The following SPICE1 variants were observed in gnomAD, a reference collection of about 807,000 sequenced individuals.
SPICE1 encodes spindle and centriole associated protein 1.
A neutral mutation model predicts 102.7 loss-of-function variants in SPICE1; 75 were observed. The observed-to-expected ratio is 0.73, with a 90% CI of 0.61 to 0.88. The LOEUF is 0.88. Ranked by LOEUF, SPICE1 falls within the 40% of genes least tolerant of loss-of-function variation. The probability of loss-of-function intolerance (pLI) is 0.00; values close to 1 mark genes in which losing one functional copy is unlikely to be tolerated. For missense variants in SPICE1, 979 were observed against 1,020.1 expected, an observed-to-expected ratio of 0.96 and a Z score of 0.55; for synonymous variants, 308 against 350.3, an observed-to-expected ratio of 0.88 and a Z score of 1.35.
intron 7 of SPICE1, among the ~76,000 whole-genome samples, chr3:113,480,248 A>G (rs1936460292): frequency 6.6e-6 from 1 of 151,906 alleles, no homozygotes; most frequent in South Asian, 2.1e-4. Flanking sequence ...CACCATGCGC[A>G]AATAGTTTCA....
At chr3:113,506,329 C>T (rs1576650924) in intron 2 of SPICE1, among the ~76,000 whole-genome samples, 178 bp downstream of exon 2, 2 of 152,158 alleles carry the variant, frequency 1.3e-5, no homozygotes, top group East Asian at 1.9e-4. Context: ...CTAAAAACCT[C>T]CCCCAAAGGA....
chr3:113,472,877 A>G (rs1576632020), intron 7 of SPICE1, among the ~76,000 whole-genome samples: 2 of 152,338 alleles, frequency 1.3e-5, no homozygotes, highest in East Asian at 1.9e-4. Flanking sequence ...AAAGCAGAGC[A>G]CCTCTCCTCC....
intron 7 of SPICE1, among the ~76,000 whole-genome samples, chr3:113,471,182 G>A (rs1182526627): frequency 6.6e-6 from 1 of 152,108 alleles, no homozygotes; most frequent in Non-Finnish European, 1.5e-5. Context: ...AAACCCTGGA[G>A]CCTGTCACTA....
At chr3:113,446,529 A>G in intron 17 of SPICE1, 60 bp downstream of exon 17, 1 of 1,232,616 alleles carries the variant, frequency 8.1e-7, no homozygotes, top group Admixed American at 1.8e-5. Context: ...GAAATCACTA[A>G]ATCAGCCACC....
intron 1 of SPICE1, among the ~76,000 whole-genome samples, chr3:113,509,806 G>A (rs907501617): frequency 6.6e-6 from 1 of 152,150 alleles, no homozygotes; most frequent in African/African-American, 2.4e-5. Context: ...GGATCATGGG[G>A]AGCAGTTTCC....
At position 113,506,582 on chromosome 3, in the gene SPICE1, G is replaced by A. The variant is rs142489429; in HGVS notation, c.24C>T (p.Arg8=). MSFVRVN[R]CGPRVGVRKT... is the part of the protein sequence containing the mutation. ...TTCTTACACCAACTCGGGGACCACA[G>A]CGGTTCACTCTGACAAATGACATCT... The change falls in exon 2 of 18, where the codon CGC becomes CGT. Residue 8 remains arginine, a synonymous_variant. Coordinates refer to ENST00000295872, the MANE Select transcript of SPICE1 (RefSeq NM_144718.4). The A allele has an allele frequency of 2.5e-5, 40 of 1,612,966 alleles. No individual in the cohort carries two copies. Among genetic ancestry groups the A allele is most frequent in the Non-Finnish European group, 3.3e-5 (39 of 1,179,738 alleles).
chr3:113,480,721 A>T (rs984059611), intron 7 of SPICE1, among the ~76,000 whole-genome samples: 7 of 150,872 alleles, frequency 4.6e-5, no homozygotes, highest in African/African-American at 1.2e-4. Context: ...AGCATTGTTT[A>T]AAAAAAAATG....
At chr3:113,497,935 G>A (rs536331266) in intron 4 of SPICE1, among the ~76,000 whole-genome samples, 10 of 150,890 alleles carry the variant, frequency 6.6e-5, no homozygotes, top group Middle Eastern at 3.4e-3. Context: ...GGAGTGCAAT[G>A]GACCAATCTC....
intron 7 of SPICE1, among the ~76,000 whole-genome samples, chr3:113,487,161 T>C (rs1247152229): frequency 1.3e-5 from 2 of 152,076 alleles, no homozygotes; most frequent in Non-Finnish European, 2.9e-5. Flanking sequence ...ACTTAGCAGG[T>C]TTATTTTTGC....
chr3:113,477,422 C>A lies in SPICE1; in HGVS notation c.612-8184G>T, dbSNP rs1353065776. ...AACTAGAAATACCATTTGACCCAGC[C>A]ATCCCATTGCTGGGTATATACCCAG... On this transcript the variant is annotated intron_variant, in intron 7 of 17. Transcript: ENST00000295872. Among the ~76,000 whole-genome samples the A allele has an allele frequency of 5.9e-4, 90 of 151,508 alleles. 1 individual carries two copies. The highest frequency in any genetic ancestry group is 1.6e-3 in the African/African-American group (67 of 41,158).
intron 7 of SPICE1, among the ~76,000 whole-genome samples, chr3:113,484,754 G>A (rs534147642): frequency 6.6e-6 from 1 of 152,138 alleles, no homozygotes; most frequent in Admixed American, 6.5e-5. Flanking sequence ...TGTTTGTTAT[G>A]ATTTCCATTC....
At chr3:113,495,629 G>C (rs545503293) in intron 4 of SPICE1, among the ~76,000 whole-genome samples, 1 of 152,306 alleles carries the variant, frequency 6.6e-6, no homozygotes, top group South Asian at 2.1e-4. Flanking sequence ...TACCACTCTA[G>C]AGATGTTTCA....
intron 16 of SPICE1, 37 bp downstream of exon 16, chr3:113,448,001 T>TG (rs1270529783): frequency 9.7e-7 from 1 of 1,028,596 alleles, no homozygotes; most frequent in African/African-American, 1.7e-5. Context: ...TTCTTTTTGA[T>TG]TTTTTTTTTT....
At chr3:113,509,957 T>C (rs1937187399) in intron 1 of SPICE1, among the ~76,000 whole-genome samples, 1 of 152,228 alleles carries the variant, frequency 6.6e-6, no homozygotes, top group Non-Finnish European at 1.5e-5. Flanking sequence ...TCTGCCATAA[T>C]TGTAAGTTTC....
intron 2 of SPICE1, among the ~76,000 whole-genome samples, chr3:113,505,335 A>C (rs1224543034): frequency 6.6e-6 from 1 of 151,940 alleles, no homozygotes; most frequent in Non-Finnish European, 1.5e-5. Context: ...CCGATTTATC[A>C]GTTTCCTTAC....
At chr3:113,503,005 T>C (rs1460313364) in intron 3 of SPICE1, among the ~76,000 whole-genome samples, 175 bp downstream of exon 3, 1 of 152,212 alleles carries the variant, frequency 6.6e-6, no homozygotes. Context: ...TTGATATTCC[T>C]AGCTCAAATC....
chr3:113,476,106 T>G (rs1576634072), intron 7 of SPICE1, among the ~76,000 whole-genome samples: 1 of 151,994 alleles, frequency 6.6e-6, no homozygotes, highest in South Asian at 2.1e-4. Context: ...ACAAAATCAA[T>G]GTACAAAAAT....
intron 7 of SPICE1, among the ~76,000 whole-genome samples, chr3:113,469,685 T>A (rs1034062239): frequency 1.2e-4 from 19 of 152,038 alleles, no homozygotes; most frequent in Non-Finnish European, 2.2e-4. Context: ...CTATAACTGA[T>A]AAGACAGGTA....
At chr3:113,503,276 T>A in intron 2 of SPICE1, 49 bp from the exon 3 acceptor site, 32 of 1,453,188 alleles carry the variant, frequency 2.2e-5, no homozygotes, top group Non-Finnish European at 2.7e-5. Context: ...AGTTTTCTTA[T>A]AAAATATACA....
Sources: allele counts gnomAD v4.1 joint callset (sites outside exome capture counted in the v4.1 genomes callset), GRCh38; gene constraint gnomAD v4.1.1; transcripts MANE v1.5; gene names NCBI Gene and HGNC (gene_info 2026-07-23, HGNC 2026-07-21).